Variants in SRP19 observed in about 807,000 individuals in gnomAD.
SRP19 encodes the protein signal recognition particle 19 kDa protein.
A neutral mutation model predicts 22.4 loss-of-function variants in SRP19; 11 were observed. The observed-to-expected ratio is 0.49, with a 90% CI of 0.31 to 0.81. The LOEUF is 0.81. Among genes scored for constraint, SRP19 ranks in the 40% least tolerant of loss-of-function variants. The pLI, the probability that SRP19 is intolerant of heterozygous loss-of-function variation, is 0.05. For missense variants in SRP19, 168 were observed against 175.9 expected (o/e 0.96, Z 0.25); for synonymous variants, 61 against 57.6 (o/e 1.06, Z -0.27).
chr5:112,863,435 A>T (rs772284052), intron 2 of SRP19, among the ~76,000 whole-genome samples: 1 of 152,132 alleles, frequency 6.6e-6, no homozygotes, highest in Non-Finnish European at 1.5e-5. Flanking sequence ...GCATTTTAAG[A>T]TGTTCAGCAG....
rs1004047849 is a variant in SRP19, at chr5:112,864,454, C to G, written c.118-3C>G. On this transcript the variant is annotated splice_polypyrimidine_tract_variant and splice_region_variant and intron_variant, in intron 2 of 4. Coordinates refer to ENST00000505459, the MANE Select transcript of SRP19 (RefSeq NM_003135.3). The stretch of plus-strand genomic sequence containing the variant: ...TTTAGTGTTTATGTTTTTAACTGTT[C>G]AGGCTGTTGAAAATCCTACAGCTAC... The G allele has an allele frequency of 9.9e-6, 16 of 1,612,468 alleles. No individual in the cohort carries two copies. Among genetic ancestry groups the G allele is most frequent in the Admixed American group, 1.7e-5 (1 of 60,012 alleles).
intron 4 of SRP19, among the ~76,000 whole-genome samples, chr5:112,880,931 C>G (rs979504789): frequency 5.9e-5 from 9 of 152,008 alleles, no homozygotes; most frequent in Non-Finnish European, 1.3e-4. Flanking sequence ...GAGTTTGAAA[C>G]CAGCCTGGCC....
Position 112,892,075 on chromosome 5 carries a change from G to A in SRP19, c.*468G>A, listed in dbSNP as rs779176035. The A allele has an allele frequency of 6.3e-6, 10 of 1,599,834 alleles. No individual in the cohort carries two copies. The South Asian group carries it at 1.1e-4, about 18-fold the overall frequency. On this transcript the variant is annotated 3_prime_UTR_variant, in exon 5 of 5. Coordinates refer to the SRP19 transcript ENST00000391338. ...AGAGGAAGCTGTGCAGAAGATGCTG[G>A]ATCAGGCTGAAAATGATTTAGAAAA...
chr5:112,878,674 A>G, intron 4 of SRP19: 1 of 1,465,852 alleles, frequency 6.8e-7, no homozygotes, highest in Non-Finnish European at 9.3e-7. Flanking sequence ...TTAATATCTC[A>G]AAAATGTTTC....
At chr5:112,887,144 T>A in intron 4 of SRP19, 1 of 1,611,370 alleles carries the variant, frequency 6.2e-7, no homozygotes, top group Non-Finnish European at 8.5e-7. Flanking sequence ...TCAGCCCCAT[T>A]AGAAGGGCTC....
chr5:112,884,862 A>T (rs1768194089), intron 4 of SRP19, among the ~76,000 whole-genome samples: 1 of 151,320 alleles, frequency 6.6e-6, no homozygotes, highest in Non-Finnish European at 1.5e-5. Flanking sequence ...TTTACTGCCT[A>T]TCTCTCAACT....
At chr5:112,861,517 T>C in intron 1 of SRP19, 100 bp downstream of exon 1, 1 of 1,323,024 alleles carries the variant, frequency 7.6e-7, no homozygotes, top group Non-Finnish European at 1.1e-6. Flanking sequence ...CAGAATGGCC[T>C]AGCTGATCCA....
At chr5:112,874,972 C>T (rs565731250) in intron 4 of SRP19, among the ~76,000 whole-genome samples, 12 of 152,200 alleles carry the variant, frequency 7.9e-5, no homozygotes, top group African/African-American at 2.9e-4. Flanking sequence ...GACAGGGTTT[C>T]ACCATGTTGG....
At chr5:112,891,734 A>G (rs770091168) in exon 5 of SRP19, 8 of 1,614,048 alleles carry the variant, frequency 5.0e-6, no homozygotes, top group Non-Finnish European at 5.9e-6. Context: ...AAGAAGGAGA[A>G]ACGAAAGAAA....
chr5:112,874,136 A>G (rs2150030183), downstream of SRP19, among the ~76,000 whole-genome samples: 2 of 152,330 alleles, frequency 1.3e-5, no homozygotes, highest in Middle Eastern at 3.4e-3. Context: ...ACTGCACTCC[A>G]GCCTGGGTGA....
downstream of SRP19, among the ~76,000 whole-genome samples, chr5:112,871,395 A>G (rs1304396364): frequency 6.6e-6 from 1 of 151,546 alleles, no homozygotes; most frequent in Admixed American, 6.6e-5. Context: ...TGCAGCCTCA[A>G]CCTCCCAGCC....
intron 4 of SRP19, among the ~76,000 whole-genome samples, chr5:112,875,371 GGTTTT>G (rs1289797842): frequency 9.5e-6 from 1 of 104,790 alleles, no homozygotes; most frequent in Non-Finnish European, 2.3e-5. Context: ...TTTTGTTTTT[GGTTTT>G]TTTTTTTTTT....
At chr5:112,879,325 T>TGGGGGGGGGGCCGGG (rs1767994736) in intron 4 of SRP19, among the ~76,000 whole-genome samples, 1 of 104,322 alleles carries the variant, frequency 9.6e-6, no homozygotes. Context: ...TATATGTGTT[T>TGGGGGGGGGGCCGGG]GGGGGGGGGG....
intron 4 of SRP19, among the ~76,000 whole-genome samples, chr5:112,879,413 T>C (rs1190667367): frequency 6.6e-6 from 1 of 152,126 alleles, no homozygotes; most frequent in Non-Finnish European, 1.5e-5. Flanking sequence ...CTCAAGCCCT[T>C]AAATAGAATG....
chr5:112,897,410 G>T (rs1433090499), downstream of SRP19: 1 of 149,540 alleles, frequency 6.7e-6, no homozygotes, highest in East Asian at 2.0e-4. Context: ...TAAACAGTAG[G>T]ACAACAAGGA....
At chr5:112,876,181 AC>A (rs1767890906) in intron 4 of SRP19, among the ~76,000 whole-genome samples, 1 of 152,168 alleles carries the variant, frequency 6.6e-6, no homozygotes. Context: ...ATTGGTAGAA[AC>A]TTTTTGAGTT....
At chr5:112,872,178 C>T (rs1767774219), downstream of SRP19, among the ~76,000 whole-genome samples, 1 of 152,194 alleles carries the variant, frequency 6.6e-6, no homozygotes, top group South Asian at 2.1e-4. Flanking sequence ...ATTCTGTTCA[C>T]AGCTCAGCCG....
chr5:112,876,804 C>CTT (rs1767908213), intron 4 of SRP19: 1 of 151,970 alleles, frequency 6.6e-6, no homozygotes, highest in South Asian at 2.1e-4. Flanking sequence ...CAACAGTTAA[C>CTT]TTAAATTTTG....
chr5:112,889,444 T>TA (rs1223999812), intron 4 of SRP19, among the ~76,000 whole-genome samples: 1 of 150,706 alleles, frequency 6.6e-6, no homozygotes, highest in Non-Finnish European at 1.5e-5. Flanking sequence ...GCAAAATAAG[T>TA]AAATAGGATG....
Sources: allele counts gnomAD v4.1 joint callset (sites outside exome capture counted in the v4.1 genomes callset), GRCh38; gene constraint gnomAD v4.1.1; transcripts MANE v1.5; gene names NCBI Gene and HGNC (gene_info 2026-07-23, HGNC 2026-07-21).